MOXD1: variants seen among roughly 807,000 people sequenced by gnomAD.
The protein encoded by MOXD1 is monooxygenase DBH like 1, also known as DBH-like monooxygenase protein 1.
A neutral mutation model predicts 66.6 loss-of-function variants in MOXD1; 62 were observed. The observed-to-expected ratio is 0.93, with a 90% CI of 0.76 to 1.15. The LOEUF is 1.15. MOXD1 is among the 50% of genes most tolerant of loss of function. MOXD1 has a pLI of 0.00. For synonymous variants in MOXD1, 303 were observed against 281.9 expected (o/e 1.07, Z -0.75); for missense variants, 847 against 754.6 (o/e 1.12, Z -1.44).
In MOXD1 at chr6:132,381,702, T is replaced by A. The variant is rs1457826963; in HGVS notation, c.265-6925A>T. Among the ~76,000 whole-genome samples the A allele has an allele frequency of 2.0e-5, 3 of 152,170 alleles. No homozygotes were observed. The East Asian group carries it at 5.8e-4, about 29-fold the overall frequency. On this transcript the variant is annotated intron_variant, in intron 1 of 11. Transcript: ENST00000367963. ...GTTATTCAAGTGGATAATCAATGGA[T>A]AGGTTATTGTGTTACTATCATCCTC...
intron 1 of MOXD1, chr6:132,391,194 C>T (rs779987173): frequency 6.6e-6 from 1 of 150,750 alleles, no homozygotes; most frequent in East Asian, 1.9e-4. Context: ...TAAGAGGCAG[C>T]GAGTAAATAT....
intron 1 of MOXD1, chr6:132,392,126 T>C: frequency 6.8e-7 from 1 of 1,461,096 alleles, no homozygotes; most frequent in East Asian, 2.5e-5. Flanking sequence ...TTTGTCGCCG[T>C]TGGCTGGGGT....
chr6:132,386,053 A>T (rs1438875705), intron 1 of MOXD1, among the ~76,000 whole-genome samples: 10 of 144,666 alleles, frequency 6.9e-5, no homozygotes, highest in Non-Finnish European at 1.3e-4. Context: ...CAGTGAGCCG[A>T]GATCGCGCCA....
At chr6:132,363,872 C>A (rs534238470) in intron 4 of MOXD1, among the ~76,000 whole-genome samples, 258 of 152,192 alleles carry the variant, frequency 1.7e-3, no homozygotes, top group Middle Eastern at 6.8e-3. Flanking sequence ...TAGAATTCAA[C>A]ATAAATATCT....
chr6:132,392,100 G>C, intron 1 of MOXD1: 1 of 1,358,688 alleles, frequency 7.4e-7, no homozygotes, highest in Non-Finnish European at 9.8e-7. Context: ...CTTTCAATTT[G>C]CTTTCCAAAC....
chr6:132,324,101 G>A lies in MOXD1; in HGVS notation c.947-4C>T, dbSNP rs1775138993. The A allele has an allele frequency of 6.2e-7, 1 of 1,607,916 alleles. No homozygotes were observed. The highest frequency in any genetic ancestry group is 1.1e-5 in the South Asian group (1 of 89,550). On this transcript the variant is annotated splice_region_variant and splice_polypyrimidine_tract_variant and intron_variant, in intron 6 of 11. Transcript: ENST00000367963. ...AGTCCAGAATTATCTATTAAGCCTA[G>A]AACAAAAGCACATAATTAAAGTGAT... is the stretch of plus-strand genomic sequence containing the variant.
chr6:132,325,905 T>A (rs1405440244), intron 6 of MOXD1, among the ~76,000 whole-genome samples: 1 of 152,190 alleles, frequency 6.6e-6, no homozygotes, highest in Non-Finnish European at 1.5e-5. Context: ...AAATCAATTC[T>A]CCTTTTGTGT....
chr6:132,350,644 T>C (rs929328926), intron 4 of MOXD1, among the ~76,000 whole-genome samples: 7 of 152,194 alleles, frequency 4.6e-5, no homozygotes, highest in African/African-American at 1.7e-4. Flanking sequence ...TTGTTTTTTC[T>C]AATTCTGTGA....
intron 9 of MOXD1, among the ~76,000 whole-genome samples, chr6:132,319,053 G>A (rs377074452): frequency 5.3e-4 from 81 of 151,752 alleles, no homozygotes; most frequent in Middle Eastern, 6.8e-3. Context: ...TGTATTAATC[G>A]CCAGTTTTAA....
At chr6:132,349,307 A>T (rs1174472200) in intron 4 of MOXD1, among the ~76,000 whole-genome samples, 1 of 149,224 alleles carries the variant, frequency 6.7e-6, no homozygotes, top group Non-Finnish European at 1.5e-5. Flanking sequence ...AAGTGCTGAT[A>T]ATTCATTCCT....
At chr6:132,343,633 T>C (rs1162802713) in intron 4 of MOXD1, among the ~76,000 whole-genome samples, 1 of 151,858 alleles carries the variant, frequency 6.6e-6, no homozygotes, top group Non-Finnish European at 1.5e-5. Flanking sequence ...AAAAAGGTGT[T>C]AAATAAATAT....
intron 4 of MOXD1, among the ~76,000 whole-genome samples, chr6:132,334,586 G>A (rs963163961): frequency 1.8e-4 from 27 of 152,172 alleles, no homozygotes; most frequent in African/African-American, 5.3e-4. Flanking sequence ...GCCTCAGAAC[G>A]TCAATCTTTC....
Position 132,320,545 on chromosome 6 carries a change from A to G in MOXD1, c.1365+84T>C, listed in dbSNP as rs1187344785. ...TTAGAACTTTTCTTTCTAAATGGAAATGGTTTTTACCTTTTTCTTCTAAAA... is the reference window on the plus strand; with the variant it reads ...TTAGAACTTTTCTTTCTAAATGGAAGTGGTTTTTACCTTTTTCTTCTAAAA... On this transcript the variant is annotated intron_variant, in intron 9 of 11. Transcript: ENST00000367963. The G allele has an allele frequency of 1.2e-5, 14 of 1,166,646 alleles. No individual in the cohort carries two copies. The East Asian group carries it at 3.3e-4, about 28-fold the overall frequency. The allele number at this position is 1,166,646 out of a possible 1,614,324, so 72.3% of individuals were successfully genotyped here. A position where few individuals can be genotyped will look rare whatever the true frequency, so the allele number is the denominator to read the frequency against.
chr6:132,347,592 G>A (rs879890505), intron 4 of MOXD1, among the ~76,000 whole-genome samples: 10 of 151,828 alleles, frequency 6.6e-5, no homozygotes, highest in Admixed American at 4.6e-4. Context: ...CAGGAGAATC[G>A]CTTGAACTCC....
At chr6:132,340,940 C>T (rs907512796) in intron 4 of MOXD1, among the ~76,000 whole-genome samples, 2 of 152,148 alleles carry the variant, frequency 1.3e-5, no homozygotes, top group Admixed American at 6.5e-5. Flanking sequence ...GCCACTGCGC[C>T]CGGCAAGACT....
intron 4 of MOXD1, among the ~76,000 whole-genome samples, chr6:132,353,431 A>C (rs1775843937): frequency 6.6e-6 from 1 of 152,158 alleles, no homozygotes; most frequent in African/African-American, 2.4e-5. Flanking sequence ...GCTCAGTTTC[A>C]CTGGATACAA....
intron 1 of MOXD1, among the ~76,000 whole-genome samples, chr6:132,394,235 A>T (rs1776826887): frequency 6.6e-6 from 1 of 152,204 alleles, no homozygotes; most frequent in South Asian, 2.1e-4. Context: ...TTACACAGAG[A>T]CTATACAACC....
At chr6:132,312,603 T>C (rs1336136903) in intron 10 of MOXD1, among the ~76,000 whole-genome samples, 1 of 151,916 alleles carries the variant, frequency 6.6e-6, no homozygotes, top group East Asian at 1.9e-4. Flanking sequence ...TTGTCCTTTT[T>C]TTTTTTCTTT....
intron 4 of MOXD1, among the ~76,000 whole-genome samples, chr6:132,333,100 G>GTAATC (rs1775359304): frequency 6.6e-6 from 1 of 152,152 alleles, no homozygotes; most frequent in Non-Finnish European, 1.5e-5. Flanking sequence ...ACTTTGGGAG[G>GTAATC]CCGAGGCGGG....
Sources: gnomAD v4.1 joint callset for allele counts (sites outside exome capture counted in the v4.1 genomes callset) on GRCh38, gnomAD v4.1.1 for gene constraint, MANE v1.5 for transcripts, NCBI Gene and HGNC (gene_info 2026-07-23, HGNC 2026-07-21) for gene names.